Variants in NPAS2 observed in about 807,000 individuals in gnomAD.
NPAS2 encodes the protein neuronal PAS domain-containing protein 2.
Under a neutral mutation model 107.5 loss-of-function variants are expected in NPAS2, and 23 were observed. The ratio of observed to expected loss-of-function variants is 0.21; its 90% CI spans 0.15 to 0.30. The LOEUF is 0.30. NPAS2 is among the 10% of genes least tolerant of loss of function. The probability of loss-of-function intolerance (pLI) is 1.00; values close to 1 mark genes in which losing one functional copy is unlikely to be tolerated. For synonymous variants in NPAS2, 403 were observed against 417.5 expected, an observed-to-expected ratio of 0.97 and a Z score of 0.42; for missense variants, 756 against 1,043.3, an observed-to-expected ratio of 0.72 and a Z score of 3.79.
intron 1 of NPAS2, among the ~76,000 whole-genome samples, chr2:100,849,156 G>T (rs1252963177): frequency 1.3e-5 from 2 of 152,202 alleles, no homozygotes; most frequent in South Asian, 2.1e-4. Flanking sequence ...AGACCATTCC[G>T]CTGGAAGCAT....
intron 5 of NPAS2, among the ~76,000 whole-genome samples, chr2:100,939,519 A>T (rs1225050989): frequency 6.6e-6 from 1 of 152,138 alleles, no homozygotes; most frequent in South Asian, 2.1e-4. Flanking sequence ...TACAGAAGTG[A>T]TCCCCATCAT....
chr2:100,955,169 G>C (rs1675495766), intron 7 of NPAS2, among the ~76,000 whole-genome samples: 1 of 152,152 alleles, frequency 6.6e-6, no homozygotes, highest in Admixed American at 6.5e-5. Context: ...CTCATACCTT[G>C]ATGAACTATT....
At chr2:100,963,127 C>G (rs1323649570) in intron 7 of NPAS2, among the ~76,000 whole-genome samples, 3 of 152,260 alleles carry the variant, frequency 2.0e-5, no homozygotes, top group Non-Finnish European at 4.4e-5. Context: ...ACCCCTAAAT[C>G]CTGAGCCCTG....
In NPAS2 at chr2:100,990,287, T is replaced by G; in HGVS notation, c.1859T>G (p.Met620Arg). Residue 620 changes from methionine to arginine, a missense_variant, in exon 18 of 21, where the codon ATG becomes AGG. Physicochemically the swap from Met to Arg is moderately conservative, Grantham distance 91 (BLOSUM62 -1). This residue lies in a region of NPAS2 where 496 missense variants were observed against 594.4 expected (regional missense o/e 0.83). Coordinates refer to ENST00000335681, the MANE Select transcript of NPAS2 (RefSeq NM_002518.4). ...GPKPMRSSQL[M>R]QSSGRSGSSL... is the part of the protein sequence containing the mutation. The stretch of plus-strand genomic sequence containing the variant: ...AAGCCAATGAGAAGCTCACAGCTAA[T>G]GCAGAGCAGCGGCCGCTCTGGAAGC... 3 of 1,614,158 alleles carry G rather than the reference T, an allele frequency of 1.9e-6. No individual in the cohort carries two copies. Among genetic ancestry groups the G allele is most frequent in the Non-Finnish European group, 2.5e-6 (3 of 1,180,038 alleles).
chr2:100,833,739 G>C (rs1278529335), intron 1 of NPAS2, among the ~76,000 whole-genome samples: 3 of 152,218 alleles, frequency 2.0e-5, no homozygotes, highest in Non-Finnish European at 2.9e-5. Flanking sequence ...TTTATGGGAT[G>C]TGTGGGGCTG....
chr2:100,990,680 A>G, intron 18 of NPAS2, 100 bp from the exon 19 acceptor site: 4 of 1,190,450 alleles, frequency 3.4e-6, no homozygotes, highest in Non-Finnish European at 5.0e-6. Flanking sequence ...ATTAGAGTCA[A>G]CCATAAAGGG....
Position 100,995,592 on chromosome 2 carries a change from A to G in NPAS2, c.*10A>G. The G allele has an allele frequency of 1.2e-6, 2 of 1,600,140 alleles. No homozygotes were observed. Among genetic ancestry groups the G allele is most frequent in the Non-Finnish European group, 1.7e-6 (2 of 1,173,150 alleles). Reference sequence around the variant, plus strand: ...GCAGCCGCCCCGATAATGCCCCGGCACTGAAGTCGGGACACAATCAGCTTT... The same window carrying G: ...GCAGCCGCCCCGATAATGCCCCGGCGCTGAAGTCGGGACACAATCAGCTTT... On this transcript the variant is annotated 3_prime_UTR_variant, in exon 21 of 21. Coordinates refer to ENST00000335681, the MANE Select transcript of NPAS2 (RefSeq NM_002518.4).
chr2:100,953,259 C>A (rs1366686279), intron 7 of NPAS2, among the ~76,000 whole-genome samples: 1 of 151,394 alleles, frequency 6.6e-6, no homozygotes, highest in Non-Finnish European at 1.5e-5. Flanking sequence ...CCTGTAATCC[C>A]AGCTATCAGG....
intron 1 of NPAS2, among the ~76,000 whole-genome samples, chr2:100,882,809 A>G (rs568636073): frequency 7.2e-4 from 109 of 152,158 alleles, no homozygotes; most frequent in African/African-American, 2.5e-3. Flanking sequence ...ACACGCACAC[A>G]TGCACGCACA....
At chr2:100,834,061 AG>A (rs1039470139) in intron 1 of NPAS2, among the ~76,000 whole-genome samples, 26 of 152,182 alleles carry the variant, frequency 1.7e-4, no homozygotes, top group Non-Finnish European at 3.2e-4. Flanking sequence ...AGGCTCAGAA[AG>A]CAAAGAGGCC....
chr2:100,866,833 G>A (rs958415758), intron 1 of NPAS2, among the ~76,000 whole-genome samples: 1 of 152,130 alleles, frequency 6.6e-6, no homozygotes, highest in Non-Finnish European at 1.5e-5. Flanking sequence ...CTTTTATCTA[G>A]GTTCTCAATG....
intron 1 of NPAS2, among the ~76,000 whole-genome samples, chr2:100,862,216 T>G (rs1678987535): frequency 6.6e-6 from 1 of 152,220 alleles, no homozygotes; most frequent in South Asian, 2.1e-4. Context: ...AGATGCGTAG[T>G]TCACAAACAC....
At chr2:100,974,550 C>G (rs1004935680) in intron 12 of NPAS2, among the ~76,000 whole-genome samples, 12 of 152,210 alleles carry the variant, frequency 7.9e-5, no homozygotes, top group South Asian at 2.1e-4. Flanking sequence ...AAGTCAGTTA[C>G]GAAAATGTAA....
At chr2:100,911,382 AAAC>A (rs1682538528) in intron 2 of NPAS2, among the ~76,000 whole-genome samples, 1 of 152,196 alleles carries the variant, frequency 6.6e-6, no homozygotes, top group African/African-American at 2.4e-5. Context: ...AAAAATTCCA[AAAC>A]AACATTTGAA....
intron 1 of NPAS2, among the ~76,000 whole-genome samples, chr2:100,872,101 A>C (rs1188924210): frequency 6.6e-6 from 1 of 152,214 alleles, no homozygotes; most frequent in African/African-American, 2.4e-5. Flanking sequence ...CATCAGCTTG[A>C]GCAGTGAAGA....
chr2:100,969,177 C>G (rs886216783), intron 11 of NPAS2, among the ~76,000 whole-genome samples: 36 of 140,998 alleles, frequency 2.6e-4, no homozygotes, highest in African/African-American at 9.4e-4. Context: ...GCATGCCTTT[C>G]TTTTTTTTTT....
At chr2:100,972,863 C>T (rs903320474) in intron 12 of NPAS2, 6 of 152,292 alleles carry the variant, frequency 3.9e-5, no homozygotes, top group African/African-American at 2.4e-5. Flanking sequence ...AATGTCTTCT[C>T]ATCAAAATGC....
intron 1 of NPAS2, among the ~76,000 whole-genome samples, chr2:100,841,938 A>T (rs1475660552): frequency 6.6e-6 from 1 of 152,244 alleles, no homozygotes; most frequent in Admixed American, 6.5e-5. Context: ...TACCATATAC[A>T]TAAGTGCATG....
chr2:100,904,803 C>G lies in NPAS2; in HGVS notation c.32+17C>G, dbSNP rs754699906. ...AGCCAAGAGGTAAGATGCAGCTGTC[C>G]CCCTGCTCAGCAGAGCTCTCTGGCC... On this transcript the variant is annotated intron_variant, in intron 2 of 20. Transcript: ENST00000335681. 4.4e-6 allele frequency: 7 copies of G among 1,592,454 alleles called. No individual in the cohort carries two copies. In the East Asian group the frequency reaches 1.1e-4, roughly 25 times the overall value.
Sources: allele counts gnomAD v4.1 joint callset (sites outside exome capture counted in the v4.1 genomes callset), GRCh38; gene constraint gnomAD v4.1.1; regional missense constraint gnomAD v4.1.1; transcripts MANE v1.5; gene names NCBI Gene and HGNC (gene_info 2026-07-23, HGNC 2026-07-21).